FOXP1: variants seen among roughly 807,000 people sequenced by gnomAD.
The protein encoded by FOXP1 is forkhead box protein P1.
Under a neutral mutation model 98.2 loss-of-function variants are expected in FOXP1, and 15 were observed. The ratio of observed to expected loss-of-function variants is 0.15; its 90% CI spans 0.10 to 0.24. The LOEUF (loss-of-function observed/expected upper bound fraction) is 0.24, where lower values mean the gene tolerates loss of function less well. Among genes scored for constraint, FOXP1 ranks in the 10% least tolerant of loss-of-function variants. The pLI is 1.00. For synonymous variants in FOXP1, 371 were observed against 314.5 expected (o/e 1.18, Z -1.90); for missense variants, 633 against 848.5 (o/e 0.75, Z 3.15).
intron 6 of FOXP1, among the ~76,000 whole-genome samples, chr3:71,166,407 T>G (rs1194255756): frequency 6.6e-6 from 1 of 152,208 alleles, no homozygotes; most frequent in Non-Finnish European, 1.5e-5. Context: ...AAACTTTTCT[T>G]GAACTTTCTG....
intron 11 of FOXP1, among the ~76,000 whole-genome samples, chr3:71,030,974 G>A (rs1576303126): frequency 6.6e-6 from 1 of 152,156 alleles, no homozygotes; most frequent in African/African-American, 2.4e-5. Flanking sequence ...TAGAGTCACA[G>A]ACATAGATAT....
At chr3:71,278,018 T>C (rs1479736783) in intron 5 of FOXP1, among the ~76,000 whole-genome samples, 4 of 152,032 alleles carry the variant, frequency 2.6e-5, no homozygotes, top group Non-Finnish European at 5.9e-5. Flanking sequence ...GTGTGGTCAC[T>C]TGGATTGCCT....
intron 4 of FOXP1, among the ~76,000 whole-genome samples, chr3:71,345,995 G>C (rs572246522): frequency 1.3e-5 from 2 of 151,656 alleles, no homozygotes; most frequent in Non-Finnish European, 2.9e-5. Flanking sequence ...ATTTCAGAGA[G>C]AGCCGAAGAA....
chr3:71,574,599 G>A (rs552669549), intron 2 of FOXP1: 1 of 152,202 alleles, frequency 6.6e-6, no homozygotes, highest in East Asian at 1.9e-4. Flanking sequence ...TTCCCAAGAT[G>A]CTTGGGAAAA....
At chr3:71,146,983 C>G (rs1406398159) in intron 6 of FOXP1, among the ~76,000 whole-genome samples, 1 of 152,254 alleles carries the variant, frequency 6.6e-6, no homozygotes, top group Non-Finnish European at 1.5e-5. Flanking sequence ...TCCAGCTTGC[C>G]TTTGAATGGT....
chr3:71,088,400 G>GTT (rs539363748), intron 7 of FOXP1, among the ~76,000 whole-genome samples: 10 of 140,932 alleles, frequency 7.1e-5, no homozygotes, highest in African/African-American at 2.6e-4. Context: ...TTTGTTTTTT[G>GTT]TTTTTTTTTT....
chr3:71,366,192 T>A (rs1274357855), intron 3 of FOXP1, among the ~76,000 whole-genome samples: 3 of 152,120 alleles, frequency 2.0e-5, no homozygotes, highest in African/African-American at 7.2e-5. Flanking sequence ...CAGAGAGATA[T>A]CTTTTTTTAA....
intron 6 of FOXP1, among the ~76,000 whole-genome samples, chr3:71,169,265 C>T (rs1221561482): frequency 1.3e-5 from 2 of 152,206 alleles, no homozygotes; most frequent in African/African-American, 4.8e-5. Context: ...ATGGACGCCT[C>T]TGCCCTAGCG....
At chr3:71,130,580 T>C (rs2059508940) in intron 6 of FOXP1, 3 of 1,598,340 alleles carry the variant, frequency 1.9e-6, no homozygotes, top group Admixed American at 1.7e-5. Flanking sequence ...GGGTTCTGGC[T>C]GTTTCTGCGA....
rs1559546232 is a variant in FOXP1 at position 70,955,569 on chromosome 3, AGTT to A, written c.*3675_*3677del. On this transcript the variant is annotated 3_prime_UTR_variant, in exon 21 of 21. Transcript: ENST00000649528. Reference sequence around the variant, plus strand: ...TTCTTTACATCTTGGCACCTTGTAAAGTTTTTTTTTTTTTATACAAAAGTTCAA... The same window carrying A: ...TTCTTTACATCTTGGCACCTTGTAAATTTTTTTTTTTATACAAAAGTTCAA... 1 of 222,806 alleles carries A rather than the reference AGTT, an allele frequency of 4.5e-6. No individual in the cohort carries two copies. Among genetic ancestry groups the A allele is most frequent in the Non-Finnish European group, 8.5e-6 (1 of 117,248 alleles). 13.8% of individuals were successfully genotyped at this position (222,806 alleles called of 1,614,324 possible). A position where few individuals can be genotyped will look rare whatever the true frequency, so the allele number is the denominator to read the frequency against.
intron 18 of FOXP1, chr3:70,972,109 C>G: frequency 6.5e-7 from 1 of 1,533,482 alleles, no homozygotes; most frequent in South Asian, 1.2e-5. Context: ...CATCAACTGT[C>G]CAAAAGGACC....
At chr3:71,281,106 G>A (rs2071511072) in intron 5 of FOXP1, among the ~76,000 whole-genome samples, 1 of 150,360 alleles carries the variant, frequency 6.7e-6, no homozygotes, top group Non-Finnish European at 1.5e-5. Context: ...GTGCATGCCT[G>A]TAGTCCTAGC....
intron 7 of FOXP1, among the ~76,000 whole-genome samples, chr3:71,058,819 CAGGTACCATGCAAGT>C (rs2051054632): frequency 6.6e-6 from 1 of 151,576 alleles, no homozygotes; most frequent in South Asian, 2.1e-4. Flanking sequence ...ATGAACCAAC[CAGGTACCATGCAAGT>C]AACTATCATA....
At chr3:71,583,974 C>T (rs975008894), upstream of FOXP1, 35 of 942,262 alleles carry the variant, frequency 3.7e-5, no homozygotes, top group African/African-American at 5.9e-4. Flanking sequence ...CGCCGGGGCG[C>T]TGGCGCCCAC....
chr3:71,506,797 T>G (rs1461092653), intron 2 of FOXP1, among the ~76,000 whole-genome samples: 2 of 152,206 alleles, frequency 1.3e-5, no homozygotes, highest in African/African-American at 4.8e-5. Flanking sequence ...AAGCTGAACA[T>G]CAGGGCACCT....
chr3:70,970,126 C>T (rs1263106342), intron 19 of FOXP1: 1 of 153,044 alleles, frequency 6.5e-6, no homozygotes, highest in East Asian at 1.9e-4. Context: ...GTAACAAGTA[C>T]TTGGTTTGTC....
chr3:71,179,310 T>C (rs1263054430), intron 6 of FOXP1, among the ~76,000 whole-genome samples: 2 of 151,950 alleles, frequency 1.3e-5, no homozygotes, highest in Non-Finnish European at 2.9e-5. Context: ...TTTGTATTTT[T>C]AGTAGAGACA....
intron 2 of FOXP1, among the ~76,000 whole-genome samples, chr3:71,568,138 G>A (rs921571231): frequency 6.6e-6 from 1 of 151,856 alleles, no homozygotes; most frequent in South Asian, 2.1e-4. Flanking sequence ...AAAGAAACTC[G>A]AGCAGGATTC....
chr3:71,162,879 G>C (rs2061210247), intron 6 of FOXP1, among the ~76,000 whole-genome samples: 1 of 152,080 alleles, frequency 6.6e-6, no homozygotes, highest in African/African-American at 2.4e-5. Context: ...TTTTACATTT[G>C]ATAAAATCTT....
Sources: allele counts gnomAD v4.1 joint callset (sites outside exome capture counted in the v4.1 genomes callset), GRCh38; gene constraint gnomAD v4.1.1; transcripts MANE v1.5; gene names NCBI Gene and HGNC (gene_info 2026-07-23, HGNC 2026-07-21).